Variants in ZNF804A observed in about 807,000 individuals in gnomAD.
ZNF804A encodes zinc finger protein 804A.
ZNF804A carries 2 observed loss-of-function variants against 16.5 expected under a neutral mutation model. That is an observed-to-expected ratio of 0.12 (90% CI 0.05 to 0.38). ZNF804A has a LOEUF of 0.38. ZNF804A is among the 10% of genes least tolerant of loss of function. The pLI, the probability that ZNF804A is intolerant of heterozygous loss-of-function variation, is 0.99. For missense variants in ZNF804A, 1,473 were observed against 1,390.7 expected (o/e 1.06, Z -0.94); for synonymous variants, 534 against 489.6 (o/e 1.09, Z -1.20).
chr2:184,750,214 G>A (rs1474754292), intron 1 of ZNF804A, among the ~76,000 whole-genome samples: 2 of 151,194 alleles, frequency 1.3e-5, no homozygotes, highest in African/African-American at 4.8e-5. Flanking sequence ...AAACCAACAT[G>A]GATACATGAT....
At chr2:184,882,005 TA>T (rs1442925413) in intron 2 of ZNF804A, among the ~76,000 whole-genome samples, 1 of 152,002 alleles carries the variant, frequency 6.6e-6, no homozygotes, top group African/African-American at 2.4e-5. Context: ...GTAAGTTGGA[TA>T]AAAAGCAAGA....
intron 2 of ZNF804A, among the ~76,000 whole-genome samples, chr2:184,899,314 C>G (rs1270926713): frequency 1.3e-5 from 2 of 152,012 alleles, no homozygotes; most frequent in Non-Finnish European, 2.9e-5. Flanking sequence ...TTGTGTCCCA[C>G]AGACTTGAGA....
chr2:184,853,390 C>A (rs902251945), intron 1 of ZNF804A, among the ~76,000 whole-genome samples: 2 of 151,764 alleles, frequency 1.3e-5, no homozygotes, highest in African/African-American at 4.8e-5. Flanking sequence ...ACTTTGACTT[C>A]ATCTCTTGCC....
At chr2:184,841,963 G>T (rs1695442595) in intron 1 of ZNF804A, among the ~76,000 whole-genome samples, 1 of 152,094 alleles carries the variant, frequency 6.6e-6, no homozygotes, top group Non-Finnish European at 1.5e-5. Context: ...TATGTAAAAT[G>T]GGGCTAATAA....
chr2:184,688,026 T>C (rs1485781710), intron 1 of ZNF804A, among the ~76,000 whole-genome samples: 2 of 151,902 alleles, frequency 1.3e-5, no homozygotes, highest in Non-Finnish European at 1.5e-5. Context: ...GGCTGAGACA[T>C]GAGAATTGCT....
chr2:184,933,777 A>C (rs4667000), intron 3 of ZNF804A, 44 bp downstream of exon 3: 896,651 of 1,570,832 alleles, frequency 0.57, 266,487 homozygotes, highest in East Asian at 0.83. Flanking sequence ...AACATGACCA[A>C]AAAAGGGGTA....
At chr2:184,902,066 T>A (rs947859195) in intron 2 of ZNF804A, 2 of 152,120 alleles carry the variant, frequency 1.3e-5, no homozygotes, top group Non-Finnish European at 2.9e-5. Flanking sequence ...AAAATATTTT[T>A]TATGGTAAAA....
intron 1 of ZNF804A, among the ~76,000 whole-genome samples, chr2:184,657,557 G>C (rs891105737): frequency 6.6e-6 from 1 of 152,126 alleles, no homozygotes; most frequent in African/African-American, 2.4e-5. Flanking sequence ...TTTTTACAGA[G>C]CAGGATTTAT....
chr2:184,732,644 G>T (rs780833887), intron 1 of ZNF804A, among the ~76,000 whole-genome samples: 6 of 152,036 alleles, frequency 3.9e-5, no homozygotes, highest in Non-Finnish European at 8.8e-5. Context: ...AATATATTGA[G>T]ATTTCCCATC....
At chr2:184,779,938 C>T (rs2105773144) in intron 1 of ZNF804A, among the ~76,000 whole-genome samples, 1 of 151,766 alleles carries the variant, frequency 6.6e-6, no homozygotes, top group South Asian at 2.1e-4. Context: ...TTTCAAGGGT[C>T]TCAGTTCTGT....
intron 1 of ZNF804A, among the ~76,000 whole-genome samples, chr2:184,843,634 C>A (rs949825067): frequency 2.0e-5 from 3 of 152,114 alleles, no homozygotes; most frequent in Non-Finnish European, 2.9e-5. Context: ...GTGCATGGAT[C>A]CTAAAACACT....
intron 2 of ZNF804A, among the ~76,000 whole-genome samples, chr2:184,906,731 A>C (rs1685280920): frequency 6.6e-6 from 1 of 152,202 alleles, no homozygotes; most frequent in South Asian, 2.1e-4. Context: ...TCTACTGTGA[A>C]GTAATTTTGC....
intron 1 of ZNF804A, among the ~76,000 whole-genome samples, chr2:184,832,408 T>A (rs1051540180): frequency 6.6e-6 from 1 of 152,100 alleles, no homozygotes; most frequent in East Asian, 1.9e-4. Context: ...TGAATATTTC[T>A]GTTAGAAAAC....
chr2:184,841,719 A>C (rs1208456003), intron 1 of ZNF804A, among the ~76,000 whole-genome samples: 1 of 152,156 alleles, frequency 6.6e-6, no homozygotes, highest in Non-Finnish European at 1.5e-5. Flanking sequence ...TTACATTTTA[A>C]AAAATACTTC....
chr2:184,791,013 C>T (rs1164006857), intron 1 of ZNF804A, among the ~76,000 whole-genome samples: 1 of 152,112 alleles, frequency 6.6e-6, no homozygotes, highest in East Asian at 1.9e-4. Flanking sequence ...CTTTTGTTTT[C>T]TATTTGCATG....
At chr2:184,867,906 A>AG (rs1236208513) in intron 2 of ZNF804A, among the ~76,000 whole-genome samples, 1 of 152,102 alleles carries the variant, frequency 6.6e-6, no homozygotes, top group African/African-American at 2.4e-5. Context: ...TGTGTAAAGT[A>AG]GGTATTTGGA....
At chr2:184,760,205 C>G (rs1559143478) in intron 1 of ZNF804A, among the ~76,000 whole-genome samples, 1 of 152,004 alleles carries the variant, frequency 6.6e-6, no homozygotes. Context: ...GGCTTGGGCT[C>G]AGAGGCCTGA....
At chr2:184,781,361 C>T (rs961938014) in intron 1 of ZNF804A, among the ~76,000 whole-genome samples, 2 of 151,644 alleles carry the variant, frequency 1.3e-5, no homozygotes, top group African/African-American at 4.8e-5. Flanking sequence ...TACTTTTCCC[C>T]AGGAGAGAAT....
chr2:184,871,719 G>A (rs1392157960), intron 2 of ZNF804A, among the ~76,000 whole-genome samples: 1 of 151,842 alleles, frequency 6.6e-6, no homozygotes, highest in Non-Finnish European at 1.5e-5. Flanking sequence ...TGTCCTAAAA[G>A]CAAACCTTAA....
Sources: gnomAD v4.1 joint callset for allele counts (sites outside exome capture counted in the v4.1 genomes callset) on GRCh38, gnomAD v4.1.1 for gene constraint, MANE v1.5 for transcripts, NCBI Gene and HGNC (gene_info 2026-07-23, HGNC 2026-07-21) for gene names.